Variants in COIL observed in about 807,000 individuals in gnomAD.
COIL encodes the protein coilin.
In COIL, 28 loss-of-function variants were observed where a neutral mutation model predicts 51.6. The observed-to-expected ratio is 0.54, with a 90% CI of 0.40 to 0.74. The LOEUF is 0.74. COIL is among the 30% of genes least tolerant of loss of function. The pLI is 0.00. For missense variants in COIL, 667 were observed against 685.9 expected, an observed-to-expected ratio of 0.97 and a Z score of 0.31; for synonymous variants, 233 against 255.8, an observed-to-expected ratio of 0.91 and a Z score of 0.85.
chr17:56,950,382 T>C lies in COIL; in HGVS notation c.860A>G (p.Lys287Arg), dbSNP rs754891210. The C allele has an allele frequency of 2.5e-6, 4 of 1,614,238 alleles. No individual in the cohort carries two copies. The highest frequency in any genetic ancestry group is 1.3e-5 in the African/African-American group (1 of 75,068). Reference sequence around the variant, plus strand: ...AGCCAGTTTGTCTGCAGTTGTATTTTTGGTAGAGGGTTCTTCCTTTGATAA... The same window carrying C: ...AGCCAGTTTGTCTGCAGTTGTATTTCTGGTAGAGGGTTCTTCCTTTGATAA... ...TELSKEEPST[K>R]NTTADKLAIK... The change falls in exon 2 of 7, where the codon AAA (lysine) becomes AGA (arginine). Residue 287 changes from lysine to arginine, a missense_variant. Physicochemically the swap from Lys to Arg is conservative, Grantham distance 26. Coordinates refer to ENST00000240316, the MANE Select transcript of COIL (RefSeq NM_004645.3).
intron 5 of COIL, among the ~76,000 whole-genome samples, chr17:56,946,067 G>A (rs1319519137): frequency 3.9e-5 from 6 of 152,136 alleles, no homozygotes; most frequent in Non-Finnish European, 7.4e-5. Context: ...GGCAATCTAA[G>A]TGCAGAATCT....
At chr17:56,954,297 T>A (rs1192662569) in intron 1 of COIL, among the ~76,000 whole-genome samples, 1 of 152,058 alleles carries the variant, frequency 6.6e-6, no homozygotes, top group South Asian at 2.1e-4. Context: ...CGGTGGCTCA[T>A]GCCTGTAATA....
At position 56,944,858 on chromosome 17, in the gene COIL, A is replaced by C. The variant is rs561063202; in HGVS notation, c.1558+1584T>G. On this transcript the variant is annotated intron_variant, in intron 5 of 6. Transcript: ENST00000240316. ...TGGTAAAACCCCGTCTCTACTAAAA[A>C]TACAAAAAATTAGCCGGGCATGGCG... Among the ~76,000 whole-genome samples, 89 of 151,860 alleles carry C rather than the reference A, an allele frequency of 5.9e-4. 1 individual carries two copies. The highest frequency in any genetic ancestry group is 2.1e-3 in the African/African-American group (89 of 41,404).
chr17:56,947,420 C>CTTTA (rs1182107408), intron 4 of COIL, among the ~76,000 whole-genome samples: 1 of 152,154 alleles, frequency 6.6e-6, no homozygotes, highest in Non-Finnish European at 1.5e-5. Context: ...ATTTTGCCAA[C>CTTTA]TAAAGTAGGC....
At chr17:56,954,751 T>C (rs922873732) in intron 1 of COIL, among the ~76,000 whole-genome samples, 3 of 151,978 alleles carry the variant, frequency 2.0e-5, no homozygotes, top group Non-Finnish European at 4.4e-5. Context: ...GGAAGATCAC[T>C]TGAACCCAGG....
At position 56,950,712 on chromosome 17, in the gene COIL, T is replaced by G; in HGVS notation, c.530A>C (p.Asn177Thr). Residue 177 changes from asparagine (N) to threonine (T), a missense_variant, in exon 2 of 7, where the codon AAC becomes ACC. Coordinates refer to ENST00000240316, the MANE Select transcript of COIL (RefSeq NM_004645.3). Reference protein sequence around the residue: ...KATCGTVGDDNEEAKRKSPKK... With the variant: ...KATCGTVGDDTEEAKRKSPKK... ...TGGTGATTTTCTTTTGGCCTCTTCG[T>G]TATCATCACCCACTGTGCCACAGGT... 4 of 1,612,692 alleles carry G rather than the reference T, an allele frequency of 2.5e-6. No individual in the cohort carries two copies. The highest frequency in any genetic ancestry group is 2.5e-6 in the Non-Finnish European group (3 of 1,179,784).
chr17:56,943,219 T>C (rs1910181150), intron 5 of COIL, among the ~76,000 whole-genome samples: 1 of 152,248 alleles, frequency 6.6e-6, no homozygotes, highest in Non-Finnish European at 1.5e-5. Context: ...GCTTTCTACA[T>C]TTTATCCTTT....
intron 5 of COIL, among the ~76,000 whole-genome samples, chr17:56,943,975 C>T (rs888404579): frequency 5.3e-5 from 8 of 152,086 alleles, no homozygotes; most frequent in African/African-American, 1.9e-4. Flanking sequence ...AAGTGATCCT[C>T]CCACCTCAGC....
chr17:56,960,906 G>A lies in COIL; in HGVS notation c.114C>T (p.Val38=), dbSNP rs1462265302. ...LLVDLNRCRV[V]TDLISLIRQR... ...GGCGGATGAGACTAATGAGATCTGT[G>A]ACGACTCGGCATCTGTTCAAGTCGA... Residue 38 remains valine, a synonymous_variant, in exon 1 of 7, where the codon GTC becomes GTT. Coordinates refer to ENST00000240316, the MANE Select transcript of COIL (RefSeq NM_004645.3). The A allele has an allele frequency of 2.6e-5, 42 of 1,614,130 alleles. No individual in the cohort carries two copies. The highest frequency in any genetic ancestry group is 3.6e-5 in the Non-Finnish European group (42 of 1,180,042).
rs1910087112 is a variant in COIL, at chr17:56,938,681, TA to T, written c.*389del. 6.5e-6 allele frequency: 1 copy of T among 154,142 alleles called. No homozygotes were observed. Among genetic ancestry groups the T allele is most frequent in the Non-Finnish European group, 1.4e-5 (1 of 69,380 alleles). 9.5% of individuals were successfully genotyped at this position (154,142 alleles called of 1,614,324 possible). ...AAAAATTAGGTCAAATAACATGCTT[TA>T]ATATTTTTAAATGTTACTTAAAACT... is the stretch of plus-strand genomic sequence containing the variant. On this transcript the variant is annotated 3_prime_UTR_variant, in exon 7 of 7. Coordinates refer to ENST00000240316, the MANE Select transcript of COIL (RefSeq NM_004645.3).
At position 56,941,013 on chromosome 17, in the gene COIL, T is replaced by G. The variant is rs1417110086; in HGVS notation, c.1647+1022A>C. The G allele has an allele frequency of 1.3e-5, 2 of 151,402 alleles. 1 individual carries two copies. The highest frequency in any genetic ancestry group is 2.9e-5 in the Non-Finnish European group (2 of 67,956). 9.4% of individuals were successfully genotyped at this position (151,402 alleles called of 1,614,324 possible). A position where few individuals can be genotyped will look rare whatever the true frequency, so the allele number is the denominator to read the frequency against. ...TTAGCCAGGCGTGGTGGCAGGCGCC[T>G]GTAATCCCAGCTACTCGGGAGGCTG... On this transcript the variant is annotated intron_variant, in intron 6 of 6. Coordinates refer to ENST00000240316, the MANE Select transcript of COIL (RefSeq NM_004645.3).
chr17:56,946,897 A>G (rs1432457575), intron 4 of COIL, among the ~76,000 whole-genome samples: 3 of 152,236 alleles, frequency 2.0e-5, no homozygotes, highest in Non-Finnish European at 2.9e-5. Context: ...AGCATTCATC[A>G]GGAGAGACTA....
chr17:56,944,856 A>C (rs542354084), intron 5 of COIL, among the ~76,000 whole-genome samples: 3 of 151,760 alleles, frequency 2.0e-5, no homozygotes, highest in African/African-American at 7.3e-5. Context: ...TCTCTACTAA[A>C]AATACAAAAA....
intron 5 of COIL, among the ~76,000 whole-genome samples, chr17:56,944,944 G>A (rs563526961): frequency 3.2e-4 from 48 of 152,146 alleles, no homozygotes; most frequent in Non-Finnish European, 6.5e-4. Flanking sequence ...GCGAACCTGG[G>A]AGGCAGAGCT....
chr17:56,940,865 T>G (rs1261013433), intron 6 of COIL, among the ~76,000 whole-genome samples: 2 of 152,138 alleles, frequency 1.3e-5, no homozygotes, highest in African/African-American at 4.8e-5. Flanking sequence ...CCGGGCGCGG[T>G]GGCTCACACG....
chr17:56,946,006 G>A (rs1471504235), intron 5 of COIL, among the ~76,000 whole-genome samples: 8 of 152,272 alleles, frequency 5.3e-5, no homozygotes, highest in East Asian at 1.9e-4. Context: ...GTGAGCCACC[G>A]TGCCCAGCCT....
chr17:56,953,209 A>G (rs1310195718), intron 1 of COIL, among the ~76,000 whole-genome samples: 1 of 151,884 alleles, frequency 6.6e-6, no homozygotes, highest in Non-Finnish European at 1.5e-5. Context: ...CAGGAGATCG[A>G]GACCATCCTG....
chr17:56,960,487 G>C (rs1049559182), intron 1 of COIL, among the ~76,000 whole-genome samples: 1 of 150,978 alleles, frequency 6.6e-6, no homozygotes, highest in Non-Finnish European at 1.5e-5. Flanking sequence ...TCGCGCCACT[G>C]TACTCCAGCC....
At chr17:56,958,667 A>C (rs1910525644) in intron 1 of COIL, among the ~76,000 whole-genome samples, 1 of 152,216 alleles carries the variant, frequency 6.6e-6, no homozygotes, top group Admixed American at 6.5e-5. Context: ...CAAGTTATTA[A>C]CTCATTAGGC....
Sources: allele counts gnomAD v4.1 joint callset (sites outside exome capture counted in the v4.1 genomes callset), GRCh38; gene constraint gnomAD v4.1.1; transcripts MANE v1.5; gene names NCBI Gene and HGNC (gene_info 2026-07-23, HGNC 2026-07-21).